Variants in LARP4 observed in about 807,000 individuals in gnomAD.
LARP4 encodes the protein La ribonucleoprotein 4, also known as la-related protein 4.
A neutral mutation model predicts 92.9 loss-of-function variants in LARP4; 29 were observed. That is an observed-to-expected ratio of 0.31 (90% CI 0.23 to 0.43). LARP4 has a LOEUF of 0.43. Among genes scored for constraint, LARP4 ranks in the 20% least tolerant of loss-of-function variants. LARP4 has a pLI of 1.00. For synonymous variants in LARP4, 279 were observed against 284.1 expected, an observed-to-expected ratio of 0.98 and a Z score of 0.18; for missense variants, 732 against 860.0, an observed-to-expected ratio of 0.85 and a Z score of 1.86.
chr12:50,442,124 AC>A (rs990601935), intron 8 of LARP4, among the ~76,000 whole-genome samples: 1 of 152,242 alleles, frequency 6.6e-6, no homozygotes, highest in African/African-American at 2.4e-5. Context: ...CCATAAAAAT[AC>A]TTTGTGTACA....
Position 50,476,557 on chromosome 12 carries a change from A to G in LARP4, c.*693A>G, listed in dbSNP as rs539445479. On this transcript the variant is annotated 3_prime_UTR_variant, in exon 16 of 16. Coordinates refer to ENST00000398473, the MANE Select transcript of LARP4 (RefSeq NM_052879.5). ...TAACAAGTTGTAAAACTCTGATTGTACTTAGAGATGTGACTACCAATCAGT... is the reference window on the plus strand; with the variant it reads ...TAACAAGTTGTAAAACTCTGATTGTGCTTAGAGATGTGACTACCAATCAGT... 7.5e-4 allele frequency: 114 copies of G among 152,710 alleles called. No individual in the cohort carries two copies. The highest frequency in any genetic ancestry group is 2.6e-3 in the African/African-American group (110 of 41,544). 9.5% of individuals were successfully genotyped at this position (152,710 alleles called of 1,614,324 possible). A position where few individuals can be genotyped will look rare whatever the true frequency, so the allele number is the denominator to read the frequency against.
intron 1 of LARP4, among the ~76,000 whole-genome samples, chr12:50,413,793 A>G (rs1946317380): frequency 6.6e-6 from 1 of 152,202 alleles, no homozygotes; most frequent in Non-Finnish European, 1.5e-5. Flanking sequence ...TTGCGTAACT[A>G]TAGTATGGTA....
chr12:50,434,333 C>G (rs923035007), intron 4 of LARP4, among the ~76,000 whole-genome samples: 1 of 151,016 alleles, frequency 6.6e-6, no homozygotes, highest in Non-Finnish European at 1.5e-5. Flanking sequence ...GTGTAAGATG[C>G]AAGTGTTTGC....
rs1293671258 is a variant in LARP4, at chr12:50,478,603, A to G, written c.*2739A>G. Reference sequence around the variant, plus strand: ...TCTGTTGGAGGCTAAAAGTAGGTATAAATGATATTGAATGTTGGGTATAGT... The same window carrying G: ...TCTGTTGGAGGCTAAAAGTAGGTATGAATGATATTGAATGTTGGGTATAGT... On this transcript the variant is annotated 3_prime_UTR_variant, in exon 16 of 16. Transcript: ENST00000398473. 6.6e-6 allele frequency: 1 copy of G among 152,130 alleles called. No homozygotes were observed. Among genetic ancestry groups the G allele is most frequent in the Non-Finnish European group, 1.5e-5 (1 of 67,994 alleles). 9.4% of individuals were successfully genotyped at this position (152,130 alleles called of 1,614,324 possible).
intron 13 of LARP4, 73 bp downstream of exon 13, chr12:50,467,193 A>G: frequency 1.7e-6 from 2 of 1,203,166 alleles, no homozygotes; most frequent in Non-Finnish European, 1.2e-6. Context: ...GTTATTTAAA[A>G]TTTTACTTGC....
At chr12:50,428,871 C>G in intron 2 of LARP4, 64 bp from the exon 3 acceptor site, 1 of 1,276,252 alleles carries the variant, frequency 7.8e-7, no homozygotes, top group East Asian at 2.5e-5. Flanking sequence ...ACATACTGCC[C>G]AGAGTTCCTG....
intron 12 of LARP4, among the ~76,000 whole-genome samples, chr12:50,466,490 G>A (rs1021923104): frequency 3.3e-5 from 5 of 151,866 alleles, no homozygotes; most frequent in Non-Finnish European, 5.9e-5. Flanking sequence ...GTGTGGTGGC[G>A]CGCACAGCTA....
At chr12:50,423,211 T>A (rs973663690) in intron 1 of LARP4, among the ~76,000 whole-genome samples, 1 of 152,150 alleles carries the variant, frequency 6.6e-6, no homozygotes, top group Non-Finnish European at 1.5e-5. Context: ...CTTTAAAAAA[T>A]TTTTATTTTC....
At chr12:50,442,907 T>C (rs1030437513) in intron 8 of LARP4, among the ~76,000 whole-genome samples, 5 of 152,202 alleles carry the variant, frequency 3.3e-5, no homozygotes, top group Admixed American at 6.5e-5. Context: ...TTAGTTTCCA[T>C]ATTACAGATG....
In LARP4 at chr12:50,429,089, C is replaced by T. The variant is rs777953647; in HGVS notation, c.321C>T (p.Ser107=). The T allele has an allele frequency of 9.9e-6, 16 of 1,610,160 alleles. No individual in the cohort carries two copies. The highest frequency in any genetic ancestry group is 2.7e-5 in the African/African-American group (2 of 74,818). The part of the protein sequence containing the change: ...EDLSYQIYDV[S]GESNSAVSTE... ...TGAGTTACCAAATATATGATGTTTC[C>T]GGTAAACTTTATGGTTTTATTGTTA... Residue 107 remains serine (S), a splice_region_variant and synonymous_variant, in exon 3 of 16, where the codon TCC becomes TCT. Coordinates refer to ENST00000398473, the MANE Select transcript of LARP4 (RefSeq NM_052879.5).
intron 8 of LARP4, among the ~76,000 whole-genome samples, chr12:50,450,108 T>C (rs2138120713): frequency 6.6e-6 from 1 of 151,860 alleles, no homozygotes; most frequent in South Asian, 2.1e-4. Context: ...TAATTTTTTG[T>C]GTTTTTAGTA....
intron 11 of LARP4, among the ~76,000 whole-genome samples, chr12:50,461,756 A>G: frequency 6.6e-6 from 1 of 152,126 alleles, no homozygotes; most frequent in Non-Finnish European, 1.5e-5. Context: ...CAGGAGTTCA[A>G]GACCAGCCTG....
chr12:50,442,719 A>G (rs1404108997), intron 8 of LARP4, among the ~76,000 whole-genome samples: 7 of 152,172 alleles, frequency 4.6e-5, no homozygotes. Context: ...ACCTAATGAG[A>G]TAGTGCTTTT....
chr12:50,477,663 G>C lies in LARP4; in HGVS notation c.*1799G>C, dbSNP rs1483322420. ...TATTTCTTTGACTTATTATTAGCTTGGCAGTTGCTTTTGATTTGATTGTTT... is the reference window on the plus strand; with the variant it reads ...TATTTCTTTGACTTATTATTAGCTTCGCAGTTGCTTTTGATTTGATTGTTT... On this transcript the variant is annotated 3_prime_UTR_variant, in exon 16 of 16. Transcript: ENST00000398473. The C allele has an allele frequency of 6.6e-6, 1 of 152,424 alleles. No individual in the cohort carries two copies. The highest frequency in any genetic ancestry group is 1.5e-5 in the Non-Finnish European group (1 of 67,932). The allele number at this position is 152,424 out of a possible 1,614,324, so 9.4% of individuals were successfully genotyped here. A position where few individuals can be genotyped will look rare whatever the true frequency, so the allele number is the denominator to read the frequency against.
Position 50,423,905 on chromosome 12 carries a change from C to T in LARP4, c.19-3857C>T, listed in dbSNP as rs532310057. Among the ~76,000 whole-genome samples, 312 of 152,122 alleles carry T rather than the reference C, an allele frequency of 2.1e-3. 1 individual carries two copies. The highest frequency in any genetic ancestry group is 7.3e-3 in the African/African-American group (304 of 41,506). On this transcript the variant is annotated intron_variant, in intron 1 of 15. Transcript: ENST00000398473. Reference sequence around the variant, plus strand: ...TAGTAGCTGGGATTACAGGCGCCCGCCACCACACCCAGCTAATTTTTGTAT... The same window carrying T: ...TAGTAGCTGGGATTACAGGCGCCCGTCACCACACCCAGCTAATTTTTGTAT...
chr12:50,459,071 T>C (rs1373396826), intron 10 of LARP4, among the ~76,000 whole-genome samples: 1 of 152,184 alleles, frequency 6.6e-6, no homozygotes, highest in Non-Finnish European at 1.5e-5. Context: ...TGATCTTGGC[T>C]CCCTGCAAAC....
In LARP4 at chr12:50,401,090, CG is replaced by C. The variant is rs1233755258; in HGVS notation, c.18+64del. 10 of 1,587,080 alleles carry C rather than the reference CG, an allele frequency of 6.3e-6. No homozygotes were observed. The East Asian group carries it at 2.0e-4, about 32-fold the overall frequency. ...AGAGCAGGAGTGTAGAGGCGCCGGC[CG>C]GTCCCACCGCCATGTGACTTTCCGG... On this transcript the variant is annotated intron_variant, in intron 1 of 15. Transcript: ENST00000398473.
At chr12:50,418,873 C>A (rs1193046099) in intron 1 of LARP4, among the ~76,000 whole-genome samples, 1 of 152,090 alleles carries the variant, frequency 6.6e-6, no homozygotes, top group Non-Finnish European at 1.5e-5. Context: ...TGTGTACCAC[C>A]ACCCTGGCTA....
In LARP4 at chr12:50,473,810, G is replaced by C. The variant is rs1285823769; in HGVS notation, c.1668-189G>C. Among the ~76,000 whole-genome samples, 1,225 of 134,760 alleles carry C rather than the reference G, an allele frequency of 9.1e-3. 32 individuals are homozygous for C. Among genetic ancestry groups the C allele is most frequent in the African/African-American group, 0.031 (1,115 of 36,250 alleles). 88.4% of individuals were successfully genotyped at this position (134,760 alleles called of 152,430 possible). ...GAACCGGGGGGTGGGGGTGGGTGGG[G>C]GGGTGGGGGGGGTGGGGGGTGCGGG... On this transcript the variant is annotated intron_variant, in intron 14 of 15. Coordinates refer to ENST00000398473, the MANE Select transcript of LARP4 (RefSeq NM_052879.5).
Sources: gnomAD v4.1 joint callset for allele counts (sites outside exome capture counted in the v4.1 genomes callset) on GRCh38, gnomAD v4.1.1 for gene constraint, MANE v1.5 for transcripts, NCBI Gene and HGNC (gene_info 2026-07-23, HGNC 2026-07-21) for gene names.